KHDRBS2: variants seen among roughly 807,000 people sequenced by gnomAD.
KHDRBS2 encodes the protein KH RNA binding domain containing, signal transduction associated 2, also known as KH domain-containing, RNA-binding, signal transduction-associated protein 2.
Under a neutral mutation model 44.3 loss-of-function variants are expected in KHDRBS2, and 26 were observed. The observed-to-expected ratio is 0.59, with a 90% CI of 0.43 to 0.81. The LOEUF (loss-of-function observed/expected upper bound fraction) is 0.81, where lower values mean the gene tolerates loss of function less well. KHDRBS2 is among the 40% of genes least tolerant of loss of function. The probability of loss-of-function intolerance (pLI) is 0.00; values close to 1 mark genes in which losing one functional copy is unlikely to be tolerated. For synonymous variants in KHDRBS2, 194 were observed against 151.1 expected (o/e 1.28, Z -2.08); for missense variants, 476 against 433.1 (o/e 1.10, Z -0.88).
intron 2 of KHDRBS2, among the ~76,000 whole-genome samples, chr6:62,106,347 T>C (rs537843889): frequency 6.6e-6 from 1 of 152,292 alleles, no homozygotes; most frequent in South Asian, 2.1e-4. Flanking sequence ...TAACTTTCTG[T>C]CTCGCTGATC....
chr6:61,571,482 A>G, the KHDRBS2 span, among the ~76,000 whole-genome samples: 1 of 151,474 alleles, frequency 6.6e-6, no homozygotes, highest in Non-Finnish European at 1.5e-5. Context: ...AGGGACTTTG[A>G]TATTCCACTG....
At chr6:62,079,824 T>C (rs208971) in intron 2 of KHDRBS2, among the ~76,000 whole-genome samples, 26,710 of 151,954 alleles carry the variant, frequency 0.18, 2,742 homozygotes, top group African/African-American at 0.29. Flanking sequence ...GAAAGATGTA[T>C]TTATTTATGT....
At chr6:62,082,310 G>GGGGTGT (rs1797551897) in intron 2 of KHDRBS2, among the ~76,000 whole-genome samples, 1 of 149,038 alleles carries the variant, frequency 6.7e-6, no homozygotes, top group South Asian at 2.1e-4. Context: ...AATACACACT[G>GGGGTGT]GTGTGTGTGT....
At chr6:61,959,210 A>C (rs1183843419) in intron 4 of KHDRBS2, among the ~76,000 whole-genome samples, 1 of 152,212 alleles carries the variant, frequency 6.6e-6, no homozygotes, top group South Asian at 2.1e-4. Flanking sequence ...AGAATAGAAA[A>C]TATTGATTTA....
chr6:62,263,593 C>T (rs1419361089), intron 1 of KHDRBS2, among the ~76,000 whole-genome samples: 1 of 151,620 alleles, frequency 6.6e-6, no homozygotes, highest in African/African-American at 2.4e-5. Flanking sequence ...GCAAATACAA[C>T]AATATTTTTC....
the KHDRBS2 span, among the ~76,000 whole-genome samples, chr6:61,585,469 C>G: frequency 3.5e-4 from 53 of 152,078 alleles, no homozygotes; most frequent in Admixed American, 9.2e-4. Flanking sequence ...CTAACTATAG[C>G]TTTTGAGAAG....
chr6:61,547,307 A>C, the KHDRBS2 span, among the ~76,000 whole-genome samples: 4 of 152,094 alleles, frequency 2.6e-5, no homozygotes, highest in Non-Finnish European at 4.4e-5. Context: ...ACATTCTTTT[A>C]AGTGTGCATG....
chr6:61,615,841 A>G, the KHDRBS2 span, among the ~76,000 whole-genome samples: 28 of 152,288 alleles, frequency 1.8e-4, no homozygotes, highest in African/African-American at 3.9e-4. Flanking sequence ...GCAATACTCA[A>G]CCTACATCCT....
Position 61,974,934 on chromosome 6 carries a change from AAATAAAT to A in KHDRBS2, c.483+3125_483+3131del, listed in dbSNP as rs1310087199. 1.8e-3 allele frequency among the ~76,000 whole-genome samples: 5 copies of A among 2,828 alleles called. No homozygotes were observed. In the East Asian group the frequency reaches 0.1, roughly 59 times the overall value. 1.9% of individuals were successfully genotyped at this position (2,828 alleles called of 152,430 possible). A position where few individuals can be genotyped will look rare whatever the true frequency, so the allele number is the denominator to read the frequency against. On this transcript the variant is annotated intron_variant, in intron 4 of 8. Transcript: ENST00000281156. The stretch of plus-strand genomic sequence containing the variant: ...CGACATAGCAAGACTCCATCTTAAA[AAATAAAT>A]AAATAAATAAATAAATAAATAAATA...
chr6:61,957,705 T>C (rs1381717059), intron 4 of KHDRBS2, among the ~76,000 whole-genome samples: 3 of 152,186 alleles, frequency 2.0e-5, no homozygotes, highest in Non-Finnish European at 4.4e-5. Context: ...GCAATTCTAA[T>C]TTTGCCCCAG....
chr6:61,680,654 G>T lies in KHDRBS2; in HGVS notation c.*309C>A. On this transcript the variant is annotated 3_prime_UTR_variant, in exon 9 of 9. Coordinates refer to ENST00000281156, the MANE Select transcript of KHDRBS2 (RefSeq NM_152688.4). ...TGCTTTTCCTCAAAAAAAAAAAAAA[G>T]AAAAAGAAAAAAAAAAGATTACACA... 6.9e-6 allele frequency: 1 copy of T among 145,088 alleles called. No homozygotes were observed. 9.0% of individuals were successfully genotyped at this position (145,088 alleles called of 1,614,324 possible). A position where few individuals can be genotyped will look rare whatever the true frequency, so the allele number is the denominator to read the frequency against.
chr6:61,692,802 A>G (rs1204128), intron 8 of KHDRBS2, among the ~76,000 whole-genome samples: 93,905 of 151,884 alleles, frequency 0.62, 30,116 homozygotes, highest in Non-Finnish European at 0.7. Context: ...TCCTCTCCCA[A>G]TGCCTTCACT....
intron 1 of KHDRBS2, among the ~76,000 whole-genome samples, chr6:62,217,382 C>G (rs918591815): frequency 6.6e-6 from 1 of 151,808 alleles, no homozygotes; most frequent in African/African-American, 2.4e-5. Context: ...TGTTCTCAGT[C>G]AAGATTTCTG....
At chr6:61,656,697 T>C in the KHDRBS2 span, among the ~76,000 whole-genome samples, 2 of 151,922 alleles carry the variant, frequency 1.3e-5, no homozygotes, top group African/African-American at 2.4e-5. Flanking sequence ...CATTGAACTT[T>C]AGTTGAGAAG....
the KHDRBS2 span, among the ~76,000 whole-genome samples, chr6:61,625,732 A>G: frequency 6.1e-4 from 93 of 152,124 alleles, 1 homozygote; most frequent in Non-Finnish European, 1.1e-3. Flanking sequence ...CCTCTTTTTT[A>G]TTCTCTGCAG....
intron 6 of KHDRBS2, among the ~76,000 whole-genome samples, chr6:61,873,111 A>G (rs1798898971): frequency 6.6e-6 from 1 of 152,110 alleles, no homozygotes; most frequent in African/African-American, 2.4e-5. Flanking sequence ...GGAATAGAAA[A>G]GAATTTCTTA....
chr6:62,248,256 G>C (rs1025135673), intron 1 of KHDRBS2, among the ~76,000 whole-genome samples: 3 of 150,890 alleles, frequency 2.0e-5, no homozygotes, highest in African/African-American at 4.9e-5. Context: ...GTAATTAAAT[G>C]AATTAGGACA....
chr6:62,103,334 G>A (rs1422325797), intron 2 of KHDRBS2, among the ~76,000 whole-genome samples: 2 of 152,132 alleles, frequency 1.3e-5, no homozygotes, highest in Non-Finnish European at 2.9e-5. Context: ...TCAGCCCCCT[G>A]GCCTGTCGCT....
intron 3 of KHDRBS2, among the ~76,000 whole-genome samples, chr6:62,010,000 C>T (rs775933573): frequency 4.6e-5 from 7 of 152,042 alleles, no homozygotes; most frequent in African/African-American, 9.7e-5. Context: ...ACAGGGCCAC[C>T]GTCCTCCAGA....
Sources: allele counts gnomAD v4.1 joint callset (sites outside exome capture counted in the v4.1 genomes callset), GRCh38; gene constraint gnomAD v4.1.1; transcripts MANE v1.5; gene names NCBI Gene and HGNC (gene_info 2026-07-23, HGNC 2026-07-21).